The following HADHB variants were observed in gnomAD, a reference collection of about 807,000 sequenced individuals.
HADHB encodes the protein hydroxyacyl-CoA dehydrogenase trifunctional multienzyme complex subunit beta, also known as trifunctional enzyme subunit beta, mitochondrial.
In HADHB, 50 loss-of-function variants were observed where a neutral mutation model predicts 61.9. The ratio of observed to expected loss-of-function variants is 0.81; its 90% CI spans 0.64 to 1.02. The LOEUF (loss-of-function observed/expected upper bound fraction) is 1.02, where lower values mean the gene tolerates loss of function less well. HADHB is among the 50% of genes least tolerant of loss of function. The pLI, the probability that HADHB is intolerant of heterozygous loss-of-function variation, is 0.00. For synonymous variants in HADHB, 191 were observed against 201.6 expected (o/e 0.95, Z 0.45); for missense variants, 504 against 586.5 (o/e 0.86, Z 1.45).
rs750623128 is a variant in HADHB at position 26,285,590 on chromosome 2, A to G, written c.1389+19A>G. 13 of 1,599,548 alleles carry G rather than the reference A, an allele frequency of 8.1e-6. No homozygotes were observed. The highest frequency in any genetic ancestry group is 1.1e-5 in the Non-Finnish European group (13 of 1,167,278). On this transcript the variant is annotated intron_variant, in intron 15 of 15. Coordinates refer to ENST00000317799, the MANE Select transcript of HADHB (RefSeq NM_000183.3). Reference sequence around the variant, plus strand: ...AGGGCAGGTACGTTACAGTGGTGTCATAGGACCCTCCAGAGAGTCATTTTC... The same window carrying G: ...AGGGCAGGTACGTTACAGTGGTGTCGTAGGACCCTCCAGAGAGTCATTTTC...
At position 26,264,546 on chromosome 2, in the gene HADHB, T is replaced by C. The variant is rs56901775; in HGVS notation, c.209+1067T>C. ...TCCAGCCTGGGTGACAGAGCAAGAC[T>C]CCATCTCAAAAAAAAAAAAAAAAAA... is the stretch of plus-strand genomic sequence containing the variant. On this transcript the variant is annotated intron_variant, in intron 4 of 15. Coordinates refer to ENST00000317799, the MANE Select transcript of HADHB (RefSeq NM_000183.3). Among the ~76,000 whole-genome samples the C allele has an allele frequency of 9.6e-3, 793 of 82,406 alleles. 9 individuals carry two copies. The highest frequency in any genetic ancestry group is 0.036 in the African/African-American group (734 of 20,116). 54.1% of individuals were successfully genotyped at this position (82,406 alleles called of 152,430 possible). A position where few individuals can be genotyped will look rare whatever the true frequency, so the allele number is the denominator to read the frequency against.
intron 9 of HADHB, 55 bp from the exon 10 acceptor site, chr2:26,279,939 A>G: frequency 7.7e-7 from 1 of 1,298,542 alleles, no homozygotes; most frequent in South Asian, 1.2e-5. Flanking sequence ...TTCTGTGGAG[A>G]AGATATATAA....
chr2:26,290,025 T>G lies in HADHB; in HGVS notation c.*72T>G. Reference sequence around the variant, plus strand: ...AGGCAATGCCATTTCAATGCATTACTAAATGACATTTGTAGTTCCTAGCTC... The same window carrying G: ...AGGCAATGCCATTTCAATGCATTACGAAATGACATTTGTAGTTCCTAGCTC... On this transcript the variant is annotated 3_prime_UTR_variant, in exon 16 of 16. Transcript: ENST00000317799. The G allele has an allele frequency of 1.0e-6, 1 of 977,028 alleles. No homozygotes were observed. The highest frequency in any genetic ancestry group is 1.7e-6 in the Non-Finnish European group (1 of 599,364). 60.5% of individuals were successfully genotyped at this position (977,028 alleles called of 1,614,324 possible). A position where few individuals can be genotyped will look rare whatever the true frequency, so the allele number is the denominator to read the frequency against.
At chr2:26,254,219 G>A (rs1463734683) in intron 1 of HADHB, 28 bp from the exon 2 acceptor site, 1 of 992,368 alleles carries the variant, frequency 1.0e-6, no homozygotes, top group South Asian at 1.3e-5. Flanking sequence ...AGCTAATCCA[G>A]GATATACTTT....
intron 3 of HADHB, chr2:26,261,265 A>G (rs1327045673): frequency 8.3e-6 from 4 of 479,208 alleles, no homozygotes; most frequent in Non-Finnish European, 1.5e-5. Flanking sequence ...TTAAAGAGGA[A>G]ATAGGAAATT....
At chr2:26,273,137 A>G (rs1309536049) in intron 5 of HADHB, among the ~76,000 whole-genome samples, 2 of 151,904 alleles carry the variant, frequency 1.3e-5, no homozygotes, top group East Asian at 3.9e-4. Context: ...GCTCATTCCT[A>G]CTGGAGTGTT....
chr2:26,265,972 G>A (rs1672059271), intron 4 of HADHB, among the ~76,000 whole-genome samples: 4 of 152,150 alleles, frequency 2.6e-5, no homozygotes, highest in Middle Eastern at 3.4e-3. Flanking sequence ...AGGCGGAGGC[G>A]GGAGGATCAT....
intron 1 of HADHB, among the ~76,000 whole-genome samples, chr2:26,251,169 T>C (rs962690877): frequency 6.6e-6 from 1 of 151,724 alleles, no homozygotes; most frequent in African/African-American, 2.4e-5. Flanking sequence ...TTTTAATTAT[T>C]GGTTCTTTCT....
At chr2:26,249,338 C>G (rs937491475) in intron 1 of HADHB, among the ~76,000 whole-genome samples, 10 of 151,882 alleles carry the variant, frequency 6.6e-5, no homozygotes, top group African/African-American at 2.4e-4. Context: ...CGGTGAAATC[C>G]TGTCTCTACT....
At chr2:26,280,737 C>T (rs111936981) in intron 10 of HADHB, among the ~76,000 whole-genome samples, 200 of 151,744 alleles carry the variant, frequency 1.3e-3, no homozygotes, top group African/African-American at 4.5e-3. Flanking sequence ...CTGTTAATCC[C>T]GGCTACTCGG....
intron 1 of HADHB, among the ~76,000 whole-genome samples, chr2:26,251,400 C>T (rs182316578): frequency 1.5e-3 from 223 of 152,184 alleles, no homozygotes; most frequent in South Asian, 6.4e-3. Context: ...GTTGCCCAGG[C>T]TGGTCTCAAA....
chr2:26,282,969 A>G, intron 11 of HADHB, 35 bp from the exon 12 acceptor site: 21 of 1,602,996 alleles, frequency 1.3e-5, no homozygotes, highest in Non-Finnish European at 1.7e-5. Flanking sequence ...TCTTTATTTT[A>G]TTACCAAAGC....
Position 26,261,481 on chromosome 2 carries a change from G to A in HADHB, c.110-1899G>A, listed in dbSNP as rs185546630. The A allele has an allele frequency of 3.7e-3, 599 of 160,168 alleles. 4 individuals are homozygous for A. Among genetic ancestry groups the A allele is most frequent in the African/African-American group, 0.013 (555 of 41,690 alleles). The allele number at this position is 160,168 out of a possible 1,614,324, so 9.9% of individuals were successfully genotyped here. On this transcript the variant is annotated intron_variant, in intron 3 of 15. Coordinates refer to ENST00000317799, the MANE Select transcript of HADHB (RefSeq NM_000183.3). Reference sequence around the variant, plus strand: ...CTCTCTGTCACCTCAAAGTTAGCGAGTTTAAAAATGAGGCCAGGCGCAGTG... The same window carrying A: ...CTCTCTGTCACCTCAAAGTTAGCGAATTTAAAAATGAGGCCAGGCGCAGTG...
intron 1 of HADHB, among the ~76,000 whole-genome samples, chr2:26,248,275 T>C (rs1247037106): frequency 6.6e-6 from 1 of 152,234 alleles, no homozygotes; most frequent in Non-Finnish European, 1.5e-5. Context: ...CAGTATTCCA[T>C]GGTGTGTTTA....
chr2:26,267,025 T>C (rs1182911484), intron 4 of HADHB, among the ~76,000 whole-genome samples: 1 of 152,092 alleles, frequency 6.6e-6, no homozygotes, highest in Admixed American at 6.6e-5. Flanking sequence ...CTACTCATGG[T>C]TCTCCTGTGA....
chr2:26,248,054 CTT>C (rs545229124), intron 1 of HADHB, among the ~76,000 whole-genome samples: 109 of 152,234 alleles, frequency 7.2e-4, no homozygotes, highest in Middle Eastern at 6.8e-3. Context: ...TTTCTTTTCT[CTT>C]TCTCTCTTTC....
chr2:26,260,628 A>AT (rs1204095932), intron 3 of HADHB: 1 of 205,174 alleles, frequency 4.9e-6, no homozygotes, highest in Non-Finnish European at 9.8e-6. Context: ...TTTGTCTCAC[A>AT]TATTCCCTCA....
intron 15 of HADHB, among the ~76,000 whole-genome samples, chr2:26,289,589 C>T (rs868351873): frequency 1.1e-4 from 17 of 152,134 alleles, no homozygotes; most frequent in Admixed American, 3.3e-4. Context: ...AGATTCTGTA[C>T]TAGACAGAGC....
rs115148044 is a variant in HADHB, at chr2:26,285,847, C to T, written c.1389+276C>T. Among the ~76,000 whole-genome samples the T allele has an allele frequency of 0.016, 2,322 of 147,350 alleles. 61 individuals are homozygous for T. The highest frequency in any genetic ancestry group is 0.053 in the African/African-American group (2,122 of 40,014). On this transcript the variant is annotated intron_variant, in intron 15 of 15. Coordinates refer to ENST00000317799, the MANE Select transcript of HADHB (RefSeq NM_000183.3). The stretch of plus-strand genomic sequence containing the variant: ...CCACTTCCCGGATTCAGGTGATTCT[C>T]GTGCCTCAGCCTCCCGAGCAGTTGA...
Sources: gnomAD v4.1 joint callset for allele counts (sites outside exome capture counted in the v4.1 genomes callset) on GRCh38, gnomAD v4.1.1 for gene constraint, MANE v1.5 for transcripts, NCBI Gene and HGNC (gene_info 2026-07-23, HGNC 2026-07-21) for gene names.